Variants in IPO11 observed in about 807,000 individuals in gnomAD.
IPO11 encodes the protein importin-11.
IPO11 carries 66 observed loss-of-function variants against 143.2 expected under a neutral mutation model. The ratio of observed to expected loss-of-function variants is 0.46; its 90% CI spans 0.38 to 0.57. IPO11 has a LOEUF of 0.57. Ranked by LOEUF, IPO11 falls within the 20% of genes least tolerant of loss-of-function variation. IPO11 has a pLI of 0.00. For missense variants in IPO11, 1,026 were observed against 1,141.0 expected, an observed-to-expected ratio of 0.90 and a Z score of 1.45; for synonymous variants, 385 against 377.8, an observed-to-expected ratio of 1.02 and a Z score of -0.22.
chr5:62,610,700 A>G (rs1043231549), intron 29 of IPO11, among the ~76,000 whole-genome samples: 1 of 152,220 alleles, frequency 6.6e-6, no homozygotes, highest in Non-Finnish European at 1.5e-5. Context: ...AAATAATCCT[A>G]CCTGCTACCA....
intron 29 of IPO11, among the ~76,000 whole-genome samples, chr5:62,619,109 G>A (rs889780541): frequency 6.6e-6 from 1 of 152,112 alleles, no homozygotes; most frequent in Non-Finnish European, 1.5e-5. Flanking sequence ...TGTAGTCCCA[G>A]CTCCTTGAAT....
chr5:62,624,573 G>A lies in IPO11; in HGVS notation c.2764-2581G>A, dbSNP rs185653253. Among the ~76,000 whole-genome samples the A allele has an allele frequency of 4.8e-4, 73 of 152,246 alleles. No individual in the cohort carries two copies. In the Middle Eastern group the frequency reaches 0.014, roughly 28 times the overall value. On this transcript the variant is annotated intron_variant, in intron 29 of 29. Transcript: ENST00000325324. ...TACCGCAACCTATCTTATCAGCTAG[G>A]TCTTTATGACCTGTATCTTGTGCTG...
At chr5:62,553,546 G>T (rs1466230395) in intron 26 of IPO11, among the ~76,000 whole-genome samples, 1 of 151,946 alleles carries the variant, frequency 6.6e-6, no homozygotes, top group African/African-American at 2.4e-5. Flanking sequence ...AGTTCAATTT[G>T]TAGTTTTTTG....
At chr5:62,442,684 C>A in intron 2 of IPO11, among the ~76,000 whole-genome samples, 1 of 151,944 alleles carries the variant, frequency 6.6e-6, no homozygotes, top group Admixed American at 6.6e-5. Flanking sequence ...CATGGTGAAA[C>A]CCTGTCTCTA....
At chr5:62,599,325 A>G (rs908478186) in intron 28 of IPO11, among the ~76,000 whole-genome samples, 4 of 152,260 alleles carry the variant, frequency 2.6e-5, no homozygotes, top group Non-Finnish European at 4.4e-5. Context: ...AATTGCACTT[A>G]TTCTGTTCAG....
chr5:62,575,656 G>A (rs1213809443), intron 27 of IPO11, among the ~76,000 whole-genome samples: 1 of 152,060 alleles, frequency 6.6e-6, no homozygotes, highest in South Asian at 2.1e-4. Flanking sequence ...TGCATCTCTC[G>A]TTAGAATATT....
At chr5:62,472,362 C>T (rs1015628843) in intron 7 of IPO11, among the ~76,000 whole-genome samples, 9 of 151,922 alleles carry the variant, frequency 5.9e-5, no homozygotes, top group South Asian at 4.1e-4. Flanking sequence ...TGGCTGTCAT[C>T]GATATTTTGT....
intron 27 of IPO11, chr5:62,579,404 A>G (rs1273912248): frequency 1.9e-5 from 29 of 1,545,756 alleles, no homozygotes; most frequent in Non-Finnish European, 2.5e-5. Flanking sequence ...TTTATAGCCA[A>G]TTCTGATCTG....
In IPO11 at chr5:62,560,066, G is replaced by A. The variant is rs368835494; in HGVS notation, c.2461-1070G>A. Reference sequence around the variant, plus strand: ...TAGGGAATTGCTGTATGTGCTCTTGGCAAGACAATTAAAGGTACCCTTCCA... The same window carrying A: ...TAGGGAATTGCTGTATGTGCTCTTGACAAGACAATTAAAGGTACCCTTCCA... On this transcript the variant is annotated intron_variant, in intron 26 of 29. Coordinates refer to ENST00000325324, the MANE Select transcript of IPO11 (RefSeq NM_016338.5). 6.2e-4 allele frequency among the ~76,000 whole-genome samples: 94 copies of A among 152,102 alleles called. No homozygotes were observed. In the South Asian group the frequency reaches 0.014, roughly 23 times the overall value.
chr5:62,525,098 CA>C (rs551733032), intron 20 of IPO11, among the ~76,000 whole-genome samples: 1 of 152,068 alleles, frequency 6.6e-6, no homozygotes, highest in Non-Finnish European at 1.5e-5. Flanking sequence ...AAAATGTTAT[CA>C]AAAATTCTTA....
chr5:62,576,539 C>T (rs112244786), intron 27 of IPO11, among the ~76,000 whole-genome samples: 2,493 of 152,180 alleles, frequency 0.016, 65 homozygotes, highest in African/African-American at 0.058. Context: ...ACCTGTAATC[C>T]CAGCACTTTG....
intron 27 of IPO11, chr5:62,581,529 C>G (rs1399245853): frequency 2.4e-6 from 1 of 425,280 alleles, no homozygotes; most frequent in Non-Finnish European, 4.2e-6. Context: ...TTCTGTGTAT[C>G]AAGCACTGTG....
chr5:62,620,593 T>C lies in IPO11; in HGVS notation c.2764-6561T>C, dbSNP rs566219662. ...ATGTAGAGGCAGGAGGCTTTCAGAT[T>C]ATTGGTAGATTTAAATTTTTCTGGT... On this transcript the variant is annotated intron_variant, in intron 29 of 29. Coordinates refer to ENST00000325324, the MANE Select transcript of IPO11 (RefSeq NM_016338.5). Among the ~76,000 whole-genome samples the C allele has an allele frequency of 1.3e-3, 196 of 151,942 alleles. 1 individual carries two copies. Among genetic ancestry groups the C allele is most frequent in the African/African-American group, 4.2e-3 (176 of 41,422 alleles).
At chr5:62,545,494 C>T (rs32173) in intron 24 of IPO11, among the ~76,000 whole-genome samples, 13,755 of 152,196 alleles carry the variant, frequency 0.09, 672 homozygotes, top group East Asian at 0.14. Flanking sequence ...ACCATAAAAA[C>T]CCTAGAAGAA....
intron 24 of IPO11, among the ~76,000 whole-genome samples, chr5:62,547,147 C>G (rs1743232177): frequency 6.6e-6 from 1 of 152,046 alleles, no homozygotes. Context: ...ATGTACATCC[C>G]TGGTGGGATG....
chr5:62,449,884 G>T, intron 3 of IPO11, 43 bp from the exon 4 acceptor site: 1 of 1,215,032 alleles, frequency 8.2e-7, no homozygotes, highest in South Asian at 1.5e-5. Flanking sequence ...TTTATTATTA[G>T]GTGGCATTCT....
intron 5 of IPO11, among the ~76,000 whole-genome samples, chr5:62,461,235 G>C (rs784918): frequency 0.43 from 66,014 of 151,766 alleles, 14,932 homozygotes; most frequent in South Asian, 0.53. Flanking sequence ...TGGGAGGTTG[G>C]GGGGATGGGG....
At chr5:62,591,462 T>C in intron 27 of IPO11, 115 bp from the exon 28 acceptor site, 2 of 622,356 alleles carry the variant, frequency 3.2e-6, no homozygotes, top group South Asian at 2.1e-5. Flanking sequence ...AAAGTTTCTT[T>C]TGTATTTCAC....
chr5:62,455,687 C>G (rs571269399), intron 5 of IPO11, among the ~76,000 whole-genome samples: 3 of 151,968 alleles, frequency 2.0e-5, no homozygotes, highest in African/African-American at 7.2e-5. Flanking sequence ...TGACAAATTA[C>G]GAAATCAGCA....
Sources: gnomAD v4.1 joint callset for allele counts (sites outside exome capture counted in the v4.1 genomes callset) on GRCh38, gnomAD v4.1.1 for gene constraint, MANE v1.5 for transcripts, NCBI Gene and HGNC (gene_info 2026-07-23, HGNC 2026-07-21) for gene names.